DNAJC6: variants seen among roughly 807,000 people sequenced by gnomAD.
The protein encoded by DNAJC6 is auxilin.
A neutral mutation model predicts 110.0 loss-of-function variants in DNAJC6; 34 were observed. The ratio of observed to expected loss-of-function variants is 0.31; its 90% CI spans 0.24 to 0.41. DNAJC6 has a LOEUF of 0.41. DNAJC6 is among the 10% of genes least tolerant of loss of function. The pLI, the probability that DNAJC6 is intolerant of heterozygous loss-of-function variation, is 1.00. For synonymous variants in DNAJC6, 406 were observed against 437.2 expected (o/e 0.93, Z 0.89); for missense variants, 1,031 against 1,207.8 (o/e 0.85, Z 2.17).
rs557321963 is a variant in DNAJC6, at chr1:65,275,349, T to C, written c.-131+10417T>C. On this transcript the variant is annotated intron_variant, in intron 1 of 19. Coordinates refer to the DNAJC6 transcript ENST00000263441. ...TTTTGAAGGACAATTTTACTAGGTG[T>C]ATAGAATTATGGGGAAGCAGGTGTT... Among the ~76,000 whole-genome samples the C allele has an allele frequency of 1.4e-3, 220 of 152,342 alleles. 2 individuals are homozygous for C. Among genetic ancestry groups the C allele is most frequent in the African/African-American group, 4.7e-3 (195 of 41,584 alleles).
intron 1 of DNAJC6, among the ~76,000 whole-genome samples, chr1:65,291,759 G>A (rs1254227468): frequency 6.6e-6 from 1 of 152,142 alleles, no homozygotes; most frequent in Non-Finnish European, 1.5e-5. Flanking sequence ...ATTCTACGAG[G>A]TAAGCAATAT....
At chr1:65,287,834 G>A (rs954679292) in intron 1 of DNAJC6, among the ~76,000 whole-genome samples, 4 of 152,058 alleles carry the variant, frequency 2.6e-5, no homozygotes, top group African/African-American at 9.7e-5. Context: ...GAACTCCTGG[G>A]CTCCAACAGT....
At position 65,389,617 on chromosome 1, in the gene DNAJC6, C is replaced by T; in HGVS notation, c.1458C>T (p.Leu486=). ...HYGQSGFFAS[L]CWQDQKSEKS... is the part of the protein sequence containing the mutation. The stretch of plus-strand genomic sequence containing the variant: ...GACAAAGTGGTTTCTTTGCCTCTCT[C>T]TGTTGGCAAGGTATTTACAAGTGTT... Residue 486 remains leucine (L), a synonymous_variant, in exon 11 of 19, where the codon CTC becomes CTT. Coordinates refer to ENST00000371069, the MANE Select transcript of DNAJC6 (RefSeq NM_001256864.2). 6.2e-7 allele frequency: 1 copy of T among 1,614,078 alleles called. No individual in the cohort carries two copies. The highest frequency in any genetic ancestry group is 8.5e-7 in the Non-Finnish European group (1 of 1,179,920).
At chr1:65,385,334 T>G (rs1645861023) in intron 6 of DNAJC6, among the ~76,000 whole-genome samples, 1 of 152,222 alleles carries the variant, frequency 6.6e-6, no homozygotes, top group Non-Finnish European at 1.5e-5. Flanking sequence ...CTACATCTCC[T>G]TAATTTTTTG....
At chr1:65,363,954 A>G (rs1223557999) in intron 1 of DNAJC6, among the ~76,000 whole-genome samples, 2 of 152,130 alleles carry the variant, frequency 1.3e-5, no homozygotes, top group African/African-American at 2.4e-5. Context: ...GGTGTTTTTC[A>G]TGATAGAAGT....
intron 1 of DNAJC6, among the ~76,000 whole-genome samples, chr1:65,283,433 A>G (rs528995029): frequency 2.0e-5 from 3 of 152,232 alleles, no homozygotes; most frequent in African/African-American, 7.2e-5. Flanking sequence ...TACTCAGCAT[A>G]ATTTCCCTGA....
intron 14 of DNAJC6, 86 bp downstream of exon 14, chr1:65,398,967 T>C: frequency 1.5e-6 from 2 of 1,372,520 alleles, no homozygotes. Flanking sequence ...TCACAGAGTA[T>C]TGTGGCCTAC....
At chr1:65,305,429 A>G (rs980119413), upstream of DNAJC6, among the ~76,000 whole-genome samples, 1 of 152,196 alleles carries the variant, frequency 6.6e-6, no homozygotes, top group East Asian at 1.9e-4. Context: ...TTAAGAAACA[A>G]TATCTTACTG....
At chr1:65,281,654 A>G (rs1363527791) in intron 1 of DNAJC6, among the ~76,000 whole-genome samples, 1 of 151,490 alleles carries the variant, frequency 6.6e-6, no homozygotes, top group Non-Finnish European at 1.5e-5. Flanking sequence ...TGTCACCCAG[A>G]CTGGAGTGCA....
At chr1:65,317,086 T>C (rs573035069) in intron 1 of DNAJC6, among the ~76,000 whole-genome samples, 2 of 152,328 alleles carry the variant, frequency 1.3e-5, no homozygotes, top group East Asian at 3.9e-4. Context: ...GTTCTTTGTA[T>C]CATCTTTGGC....
chr1:65,316,167 C>T (rs1241191319), intron 1 of DNAJC6, among the ~76,000 whole-genome samples: 1 of 152,158 alleles, frequency 6.6e-6, no homozygotes, highest in Non-Finnish European at 1.5e-5. Flanking sequence ...AACAGGACAT[C>T]AGAAGCCCTT....
intron 13 of DNAJC6, among the ~76,000 whole-genome samples, chr1:65,398,086 T>G (rs1645996489): frequency 6.6e-6 from 1 of 152,232 alleles, no homozygotes; most frequent in Admixed American, 6.5e-5. Flanking sequence ...TGTAAAAAAC[T>G]TACTACGCAC....
intron 1 of DNAJC6, among the ~76,000 whole-genome samples, chr1:65,275,599 G>A (rs77009306): frequency 0.035 from 5,334 of 152,096 alleles, 320 homozygotes; most frequent in African/African-American, 0.12. Flanking sequence ...GAATCTGTGC[G>A]GCTTGAGGTT....
intron 1 of DNAJC6, among the ~76,000 whole-genome samples, chr1:65,329,965 C>T (rs1266233868): frequency 1.3e-5 from 2 of 152,180 alleles, no homozygotes; most frequent in East Asian, 3.8e-4. Flanking sequence ...ATAGGTCCCT[C>T]ATGCTGTACC....
chr1:65,314,373 T>C (rs1200737613), intron 1 of DNAJC6, among the ~76,000 whole-genome samples: 4 of 152,228 alleles, frequency 2.6e-5, no homozygotes, highest in Non-Finnish European at 5.9e-5. Context: ...TGGATAATTG[T>C]ATACTTCATG....
intron 1 of DNAJC6, among the ~76,000 whole-genome samples, chr1:65,352,960 A>G (rs1224923363): frequency 6.6e-6 from 1 of 152,122 alleles, no homozygotes; most frequent in Non-Finnish European, 1.5e-5. Flanking sequence ...GTCTCTCTTA[A>G]ATGGAACTGA....
chr1:65,389,655 ATGG>A, intron 11 of DNAJC6, 28 bp downstream of exon 11: 1 of 1,605,630 alleles, frequency 6.2e-7, no homozygotes, highest in South Asian at 1.1e-5. Context: ...TTTAAGTCAC[ATGG>A]TTTGATGATT....
At chr1:65,316,868 G>A (rs888125914) in intron 1 of DNAJC6, among the ~76,000 whole-genome samples, 2 of 151,644 alleles carry the variant, frequency 1.3e-5, no homozygotes, top group Non-Finnish European at 2.9e-5. Flanking sequence ...CTTACCAAAA[G>A]ATTGTGCTTT....
At chr1:65,335,901 G>A (rs1345387684) in intron 1 of DNAJC6, among the ~76,000 whole-genome samples, 1 of 152,172 alleles carries the variant, frequency 6.6e-6, no homozygotes, top group Non-Finnish European at 1.5e-5. Flanking sequence ...AGGCAAGGGT[G>A]GAGGCAGAGA....
Sources: gnomAD v4.1 joint callset for allele counts (sites outside exome capture counted in the v4.1 genomes callset) on GRCh38, gnomAD v4.1.1 for gene constraint, MANE v1.5 for transcripts, NCBI Gene and HGNC (gene_info 2026-07-23, HGNC 2026-07-21) for gene names.